The following RNF217 variants were observed in gnomAD, a reference collection of about 807,000 sequenced individuals.
RNF217 encodes the protein E3 ubiquitin-protein ligase RNF217.
In RNF217, 31 loss-of-function variants were observed where a neutral mutation model predicts 57.8. The observed-to-expected ratio is 0.54, with a 90% CI of 0.40 to 0.72. RNF217 has a LOEUF of 0.72. Among genes scored for constraint, RNF217 ranks in the 30% least tolerant of loss-of-function variants. The probability of loss-of-function intolerance (pLI) is 0.00; values close to 1 mark genes in which losing one functional copy is unlikely to be tolerated. For missense variants in RNF217, 696 were observed against 708.3 expected (o/e 0.98, Z 0.20); for synonymous variants, 313 against 294.0 (o/e 1.06, Z -0.66).
chr6:125,032,996 T>C (rs1162387214), intron 1 of RNF217, among the ~76,000 whole-genome samples: 1 of 152,196 alleles, frequency 6.6e-6, no homozygotes. Flanking sequence ...GGTTTTATTG[T>C]ACTTTTCCCT....
chr6:125,064,798 G>A (rs2114607680), intron 3 of RNF217, among the ~76,000 whole-genome samples: 1 of 151,978 alleles, frequency 6.6e-6, no homozygotes, highest in South Asian at 2.1e-4. Context: ...ATCTATACTT[G>A]TATGTATATA....
chr6:124,965,407 C>T (rs1003708148), intron 1 of RNF217, among the ~76,000 whole-genome samples: 41 of 152,146 alleles, frequency 2.7e-4, no homozygotes, highest in Middle Eastern at 6.8e-3. Context: ...AACCCCGTCT[C>T]TACTAAAAAT....
At chr6:125,063,438 G>C (rs1204490129) in intron 3 of RNF217, among the ~76,000 whole-genome samples, 2 of 152,130 alleles carry the variant, frequency 1.3e-5, no homozygotes, top group African/African-American at 4.8e-5. Context: ...TCTGGATTCT[G>C]ATACGCCATC....
chr6:125,048,529 T>C lies in RNF217; in HGVS notation c.1116+3085T>C, dbSNP rs186677138. 2.2e-3 allele frequency among the ~76,000 whole-genome samples: 332 copies of C among 152,208 alleles called. 1 individual carries two copies. Among genetic ancestry groups the C allele is most frequent in the African/African-American group, 7.6e-3 (314 of 41,562 alleles). On this transcript the variant is annotated intron_variant, in intron 2 of 5. Transcript: ENST00000521654. The stretch of plus-strand genomic sequence containing the variant: ...TGATAAAACCCTTGTAATGTTTATT[T>C]TAATGTTATTCTGAGTCATTGATTC...
At chr6:125,039,711 C>T (rs538563583) in intron 1 of RNF217, among the ~76,000 whole-genome samples, 1 of 152,294 alleles carries the variant, frequency 6.6e-6, no homozygotes, top group South Asian at 2.1e-4. Context: ...AAACACTCCT[C>T]AGCAAATGCA....
chr6:124,964,802 G>C (rs1167617587), intron 1 of RNF217, among the ~76,000 whole-genome samples: 1 of 152,212 alleles, frequency 6.6e-6, no homozygotes, highest in Admixed American at 6.5e-5. Context: ...AGATTTCGCT[G>C]CCCTGCGATG....
At chr6:124,978,884 A>C (rs1338351013) in intron 1 of RNF217, among the ~76,000 whole-genome samples, 2 of 152,202 alleles carry the variant, frequency 1.3e-5, no homozygotes, top group Non-Finnish European at 2.9e-5. Flanking sequence ...CTGTCAGCGG[A>C]CAGGGCACCC....
At chr6:125,048,254 G>T (rs757562848) in intron 2 of RNF217, 1 of 1,348,984 alleles carries the variant, frequency 7.4e-7, no homozygotes, top group Non-Finnish European at 9.9e-7. Flanking sequence ...TCTTTGTGAT[G>T]AACAGGTGAA....
At chr6:125,001,680 T>C (rs1239140905) in intron 1 of RNF217, among the ~76,000 whole-genome samples, 1 of 152,216 alleles carries the variant, frequency 6.6e-6, no homozygotes, top group Non-Finnish European at 1.5e-5. Context: ...CCCTTTAAGT[T>C]TGCAATTTTG....
At chr6:125,018,453 A>T (rs1219302983) in intron 1 of RNF217, among the ~76,000 whole-genome samples, 1 of 152,190 alleles carries the variant, frequency 6.6e-6, no homozygotes, top group Non-Finnish European at 1.5e-5. Context: ...ATGAAAACAT[A>T]GCATCTTGTT....
At chr6:124,979,184 C>G (rs577890195) in intron 1 of RNF217, among the ~76,000 whole-genome samples, 93 of 152,170 alleles carry the variant, frequency 6.1e-4, no homozygotes, top group Admixed American at 1.6e-3. Flanking sequence ...TGTCTGCCTA[C>G]AAATTTGTCT....
chr6:125,064,866 A>G (rs887048890), intron 3 of RNF217, among the ~76,000 whole-genome samples: 1 of 152,102 alleles, frequency 6.6e-6, no homozygotes, highest in Non-Finnish European at 1.5e-5. Context: ...TTAGGGTACT[A>G]GAAAATGTAG....
intron 3 of RNF217, among the ~76,000 whole-genome samples, chr6:125,070,867 A>C (rs1788106891): frequency 6.6e-6 from 1 of 152,244 alleles, no homozygotes; most frequent in Non-Finnish European, 1.5e-5. Flanking sequence ...AGTAATACAT[A>C]ACAGTCAACT....
intron 1 of RNF217, among the ~76,000 whole-genome samples, chr6:124,999,767 G>T (rs1460427037): frequency 6.6e-6 from 1 of 151,966 alleles, no homozygotes; most frequent in Non-Finnish European, 1.5e-5. Flanking sequence ...TGGACCCCTG[G>T]TGTTGACTTA....
Position 125,083,812 on chromosome 6 carries a change from A to G in RNF217, c.*875A>G, listed in dbSNP as rs1788688431. The G allele has an allele frequency of 1.3e-5, 2 of 152,108 alleles. No individual in the cohort carries two copies. Among genetic ancestry groups the G allele is most frequent in the Admixed American group, 1.3e-4 (2 of 15,248 alleles). 9.4% of individuals were successfully genotyped at this position (152,108 alleles called of 1,614,324 possible). ...TGCAACGTCACCCCAAGGAGTATTAAGCTTTGTAAACTGACAAAACTGGCT... is the reference window on the plus strand; with the variant it reads ...TGCAACGTCACCCCAAGGAGTATTAGGCTTTGTAAACTGACAAAACTGGCT... On this transcript the variant is annotated 3_prime_UTR_variant, in exon 6 of 6. Transcript: ENST00000521654.
intron 2 of RNF217, chr6:125,046,599 C>A (rs1281295591): frequency 2.2e-6 from 1 of 455,854 alleles, no homozygotes; most frequent in South Asian, 1.5e-5. Context: ...TCATCCTTGT[C>A]ATTACAGCAA....
At chr6:125,071,463 A>G (rs911568356) in intron 3 of RNF217, among the ~76,000 whole-genome samples, 8 of 145,510 alleles carry the variant, frequency 5.5e-5, no homozygotes, top group African/African-American at 1.5e-4. Context: ...GATATTTTCA[A>G]CTTGGAGCAT....
chr6:125,011,280 G>A (rs1785406025), intron 1 of RNF217, among the ~76,000 whole-genome samples: 1 of 152,056 alleles, frequency 6.6e-6, no homozygotes, highest in African/African-American at 2.4e-5. Flanking sequence ...AATGATATAG[G>A]TAATAATAAT....
Position 124,962,895 on chromosome 6 carries a change from A to G in RNF217, c.351A>G (p.Arg117=), listed in dbSNP as rs565803596. The G allele has an allele frequency of 1.3e-6, 2 of 1,598,038 alleles. No homozygotes were observed. Among genetic ancestry groups the G allele is most frequent in the Admixed American group, 1.7e-5 (1 of 60,014 alleles). ...LEEEEEEAGD[R]KEGGDEQQEA... ...AGGAAGAGGAGGAAGCTGGGGATCG[A>G]AAAGAGGGAGGGGATGAACAGCAGG... is the stretch of plus-strand genomic sequence containing the variant. Residue 117 remains arginine, a synonymous_variant, in exon 1 of 6, where the codon CGA becomes CGG. Transcript: ENST00000521654. This position sits in a 1 kb window ranked among gnomAD's most constrained non-coding sequence, Gnocchi z 4.6.
Sources: allele counts gnomAD v4.1 joint callset (sites outside exome capture counted in the v4.1 genomes callset), GRCh38; gene constraint gnomAD v4.1.1; non-coding constraint Gnocchi (gnomAD v3.1); transcripts MANE v1.5; gene names NCBI Gene and HGNC (gene_info 2026-07-23, HGNC 2026-07-21).